BAZ2B: variants seen among roughly 807,000 people sequenced by gnomAD.
BAZ2B encodes bromodomain adjacent to zinc finger domain 2B.
A neutral mutation model predicts 246.0 loss-of-function variants in BAZ2B; 91 were observed. That is an observed-to-expected ratio of 0.37 (90% confidence interval 0.31 to 0.44). BAZ2B has a LOEUF of 0.44. Among genes scored for constraint, BAZ2B ranks in the 20% least tolerant of loss-of-function variants. BAZ2B has a pLI of 1.00. For missense variants in BAZ2B, 2,332 were observed against 2,533.7 expected, an observed-to-expected ratio of 0.92 and a Z score of 1.71; for synonymous variants, 855 against 860.0, an observed-to-expected ratio of 0.99 and a Z score of 0.10.
intron 2 of BAZ2B, among the ~76,000 whole-genome samples, chr2:159,535,263 T>G (rs1476753813): frequency 6.6e-6 from 1 of 152,242 alleles, no homozygotes; most frequent in East Asian, 1.9e-4. Context: ...GGCTCACGCC[T>G]GTGATTCCAG....
At chr2:159,436,566 T>C (rs956355072) in intron 8 of BAZ2B, among the ~76,000 whole-genome samples, 2 of 152,100 alleles carry the variant, frequency 1.3e-5, no homozygotes, top group Non-Finnish European at 2.9e-5. Context: ...CTGGCCAACA[T>C]GGTGAAACCA....
At chr2:159,396,322 A>G (rs1484330382) in intron 19 of BAZ2B, among the ~76,000 whole-genome samples, 1 of 152,180 alleles carries the variant, frequency 6.6e-6, no homozygotes, top group Non-Finnish European at 1.5e-5. Context: ...TTTCAGTACA[A>G]AATCATTTTG....
chr2:159,674,302 T>A, the BAZ2B span, among the ~76,000 whole-genome samples: 2 of 130,282 alleles, frequency 1.5e-5, no homozygotes, highest in East Asian at 4.4e-4. Flanking sequence ...ACCATTGCAC[T>A]CCAGCCTGGG....
rs60596753 is a variant in BAZ2B at position 159,423,314 on chromosome 2, T to TAAACAAACAAACAAACAAACAAAC, written c.2466+4626_2466+4627insGTTTGTTTGTTTGTTTGTTTGTTT. ...CTGGGTGACAGAGCAAGACTCTATC[T>TAAACAAACAAACAAACAAACAAAC]AAACAAACAAACAAACAAAAGAATG... is the stretch of plus-strand genomic sequence containing the variant. On this transcript the variant is annotated intron_variant, in intron 13 of 36. Transcript: ENST00000392783. Among the ~76,000 whole-genome samples the TAAACAAACAAACAAACAAACAAAC allele has an allele frequency of 1.6e-3, 248 of 151,212 alleles. 1 individual carries two copies. Among genetic ancestry groups the TAAACAAACAAACAAACAAACAAAC allele is most frequent in the African/African-American group, 5.1e-3 (211 of 41,130 alleles).
chr2:159,588,721 GC>G (rs1310565780), intron 1 of BAZ2B, among the ~76,000 whole-genome samples: 2 of 152,152 alleles, frequency 1.3e-5, no homozygotes, highest in African/African-American at 2.4e-5. Flanking sequence ...TGAATAAGCA[GC>G]CCCTGAGGTG....
chr2:159,582,570 A>G (rs960146674), intron 1 of BAZ2B, among the ~76,000 whole-genome samples: 1 of 152,080 alleles, frequency 6.6e-6, no homozygotes, highest in Non-Finnish European at 1.5e-5. Context: ...TTTTTTTAAG[A>G]GATGGGGTCC....
At chr2:159,392,825 G>C (rs537252047) in intron 20 of BAZ2B, among the ~76,000 whole-genome samples, 1 of 152,086 alleles carries the variant, frequency 6.6e-6, no homozygotes, top group African/African-American at 2.4e-5. Flanking sequence ...GTTATTAAAC[G>C]AATTCAATAG....
At chr2:159,597,501 C>A (rs1178579094) in intron 1 of BAZ2B, among the ~76,000 whole-genome samples, 1 of 152,186 alleles carries the variant, frequency 6.6e-6, no homozygotes, top group Non-Finnish European at 1.5e-5. Context: ...TAGCTTCCTC[C>A]TCAGGTATGA....
intron 24 of BAZ2B, 23 bp from the exon 25 acceptor site, chr2:159,382,825 T>G: frequency 1.9e-6 from 3 of 1,598,866 alleles, no homozygotes; most frequent in Non-Finnish European, 2.6e-6. Context: ...TGAAAAGTGA[T>G]GACAAGGAAA....
At chr2:159,634,674 A>G in the BAZ2B span, among the ~76,000 whole-genome samples, 1 of 152,204 alleles carries the variant, frequency 6.6e-6, no homozygotes, top group Non-Finnish European at 1.5e-5. Context: ...GCAATACTGA[A>G]TGATAACTTC....
At chr2:159,362,671 G>T (rs996715045) in intron 27 of BAZ2B, among the ~76,000 whole-genome samples, 4 of 152,214 alleles carry the variant, frequency 2.6e-5, no homozygotes, top group African/African-American at 9.6e-5. Context: ...ATGGGTCAAA[G>T]AATTTCTCCT....
intron 13 of BAZ2B, among the ~76,000 whole-genome samples, 195 bp downstream of exon 13, chr2:159,427,746 C>G (rs376483990): frequency 6.6e-6 from 1 of 151,860 alleles, no homozygotes; most frequent in Non-Finnish European, 1.5e-5. Context: ...GAAAAAGATA[C>G]CTATTATGTC....
chr2:159,599,926 A>G (rs946692997), intron 1 of BAZ2B, among the ~76,000 whole-genome samples: 1 of 109,428 alleles, frequency 9.1e-6, no homozygotes, highest in Non-Finnish European at 1.9e-5. Context: ...ACAGAGCGAG[A>G]CTCCTTCTCA....
chr2:159,482,770 T>C (rs569865315), intron 2 of BAZ2B, among the ~76,000 whole-genome samples: 94 of 152,332 alleles, frequency 6.2e-4, no homozygotes, highest in Non-Finnish European at 1.1e-3. Flanking sequence ...ATTCATTTTG[T>C]TGACAAAATA....
In BAZ2B at chr2:159,350,032, T is replaced by C; in HGVS notation, c.4539A>G (p.Ser1513=). 1 of 1,614,202 alleles carries C rather than the reference T, an allele frequency of 6.2e-7. No individual in the cohort carries two copies. The highest frequency in any genetic ancestry group is 2.2e-5 in the East Asian group (1 of 44,890). Residue 1513 remains serine (S), a synonymous_variant, in exon 28 of 37, where the codon TCA becomes TCG. Transcript: ENST00000392783. ...SGKHSLGSVQ[S]TATQSNVEKA... is the part of the protein sequence containing the mutation. ...TTTCCACATTGCTTTGCGTTGCTGT[T>C]GACTGAACGCTGCCCAGTGAATGTT...
intron 3 of BAZ2B, among the ~76,000 whole-genome samples, chr2:159,473,591 G>A (rs1189778595): frequency 6.6e-6 from 1 of 152,074 alleles, no homozygotes; most frequent in Admixed American, 6.5e-5. Context: ...GTTATTTCTT[G>A]TCTTCTGAGA....
At chr2:159,678,137 C>T in the BAZ2B span, among the ~76,000 whole-genome samples, 6 of 152,148 alleles carry the variant, frequency 3.9e-5, no homozygotes, top group East Asian at 1.9e-4. Context: ...ATCTATTTTA[C>T]GTAATGCTAA....
chr2:159,653,063 A>G, the BAZ2B span, among the ~76,000 whole-genome samples: 6 of 151,628 alleles, frequency 4.0e-5, no homozygotes, highest in East Asian at 9.6e-4. Flanking sequence ...TCAGCCTCCC[A>G]AGTAACTGGG....
intron 27 of BAZ2B, among the ~76,000 whole-genome samples, chr2:159,367,207 G>A (rs2060313199): frequency 6.6e-6 from 1 of 152,180 alleles, no homozygotes; most frequent in Admixed American, 6.5e-5. Flanking sequence ...ATAGTGGTAT[G>A]AAGGCAGAGC....
Sources: allele counts gnomAD v4.1 joint callset (sites outside exome capture counted in the v4.1 genomes callset), GRCh38; gene constraint gnomAD v4.1.1; transcripts MANE v1.5; gene names NCBI Gene and HGNC (gene_info 2026-07-23, HGNC 2026-07-21).